Variants in RNF135 observed in about 807,000 individuals in gnomAD.
The protein encoded by RNF135 is E3 ubiquitin-protein ligase RNF135.
RNF135 carries 46 observed loss-of-function variants against 41.9 expected under a neutral mutation model. The ratio of observed to expected loss-of-function variants is 1.10; its 90% confidence interval spans 0.87 to 1.40. The LOEUF (loss-of-function observed/expected upper bound fraction) is 1.40. Ranked by LOEUF, RNF135 falls within the 40% of genes most tolerant of loss-of-function variation. RNF135 has a pLI of 0.00. For synonymous variants in RNF135, 238 were observed against 223.8 expected, an observed-to-expected ratio of 1.06 and a Z score of -0.57; for missense variants, 539 against 549.8, an observed-to-expected ratio of 0.98 and a Z score of 0.20.
chr17:30,983,292 A>T lies in RNF135; in HGVS notation c.373-1325A>T, dbSNP rs1372080086. On this transcript the variant is annotated intron_variant, in intron 1 of 4. Coordinates refer to ENST00000328381, the MANE Select transcript of RNF135 (RefSeq NM_032322.4). ...TATCCGGAAGTGGAATTGCTAAATCATATGGTAATTCTAATTACATATATG... is the reference window on the plus strand; with the variant it reads ...TATCCGGAAGTGGAATTGCTAAATCTTATGGTAATTCTAATTACATATATG... Among the ~76,000 whole-genome samples, 5 of 134,186 alleles carry T rather than the reference A, an allele frequency of 3.7e-5. No homozygotes were observed. In the South Asian group the frequency reaches 9.7e-4, roughly 26 times the overall value. The allele number at this position is 134,186 out of a possible 152,430, so 88.0% of individuals were successfully genotyped here.
intron 1 of RNF135, among the ~76,000 whole-genome samples, chr17:30,977,289 C>T (rs1906543373): frequency 6.6e-6 from 1 of 152,142 alleles, no homozygotes; most frequent in South Asian, 2.1e-4. Context: ...CTGTGTATAT[C>T]TTATACTATC....
rs527699238 is a variant in RNF135 at position 30,999,246 on chromosome 17, A to C, written c.*55A>C. The C allele has an allele frequency of 1.3e-4, 202 of 1,565,500 alleles. No homozygotes were observed. The African/African-American group carries it at 2.5e-3, about 19-fold the overall frequency. ...TTCCTGGTCTCTCTCCCTGTCATCA[A>C]TCAGGGTAGTAACTTGACTTAAGAA... On this transcript the variant is annotated 3_prime_UTR_variant, in exon 5 of 5. Coordinates refer to ENST00000328381, the MANE Select transcript of RNF135 (RefSeq NM_032322.4).
At chr17:30,972,880 A>C (rs1906114018) in intron 1 of RNF135, 1 of 152,282 alleles carries the variant, frequency 6.6e-6, no homozygotes, top group African/African-American at 2.4e-5. Context: ...GGTTCAAGTG[A>C]TTCTCCTGCC....
At chr17:30,961,111 C>T in the RNF135 span, among the ~76,000 whole-genome samples, 67 of 152,310 alleles carry the variant, frequency 4.4e-4, no homozygotes, top group African/African-American at 1.6e-3. Flanking sequence ...CTGCATGTGT[C>T]AATATGTCTT....
chr17:30,983,339 ATATATATATATATATTT>A (rs1327416297), intron 1 of RNF135, among the ~76,000 whole-genome samples: 12 of 27,536 alleles, frequency 4.4e-4, no homozygotes, highest in Admixed American at 2.8e-3. Context: ...ATATATATAT[ATATATATATATATATTT>A]TTTTTTTTTT....
chr17:30,995,252 G>A (rs370205236), intron 3 of RNF135, among the ~76,000 whole-genome samples: 11 of 152,132 alleles, frequency 7.2e-5, no homozygotes, highest in African/African-American at 2.2e-4. Context: ...GCTGGGTGTG[G>A]TGGTGGGCGC....
At chr17:30,975,643 A>C in intron 1 of RNF135, 1 of 1,170,010 alleles carries the variant, frequency 8.5e-7, no homozygotes, top group Non-Finnish European at 1.3e-6. Flanking sequence ...AAGAAACTCC[A>C]CAACCGCCAA....
intron 1 of RNF135, 37 bp from the exon 2 acceptor site, chr17:30,984,580 T>A: frequency 6.2e-7 from 1 of 1,613,382 alleles, no homozygotes; most frequent in Non-Finnish European, 8.5e-7. Context: ...GGGTCCAGTT[T>A]TATAGAACCC....
At chr17:30,981,779 A>G (rs1907168098) in intron 1 of RNF135, among the ~76,000 whole-genome samples, 1 of 152,266 alleles carries the variant, frequency 6.6e-6, no homozygotes, top group Admixed American at 6.5e-5. Flanking sequence ...CAAGCCCAGT[A>G]AAGCTGTGAC....
the RNF135 span, among the ~76,000 whole-genome samples, chr17:30,963,088 C>T: frequency 0.19 from 27,990 of 145,952 alleles, 9,071 homozygotes; most frequent in African/African-American, 0.69. Context: ...CATTTGATTC[C>T]CTAGCTTTTT....
chr17:30,971,589 G>C lies in RNF135; in HGVS notation c.372+144G>C. 2.2e-6 allele frequency: 3 copies of C among 1,358,092 alleles called. No individual in the cohort carries two copies. In the South Asian group the frequency reaches 5.3e-5, roughly 24 times the overall value. The allele number at this position is 1,358,092 out of a possible 1,614,324, so 84.1% of individuals were successfully genotyped here. A position where few individuals can be genotyped will look rare whatever the true frequency, so the allele number is the denominator to read the frequency against. ...TCTAAAAGTCGAGTTCCGCTCTTCGGAGGCACTTTGGAAAGTTCATAAAAG... is the reference window on the plus strand; with the variant it reads ...TCTAAAAGTCGAGTTCCGCTCTTCGCAGGCACTTTGGAAAGTTCATAAAAG... On this transcript the variant is annotated intron_variant, in intron 1 of 4. Coordinates refer to ENST00000328381, the MANE Select transcript of RNF135 (RefSeq NM_032322.4).
In RNF135 at chr17:30,975,704, C is replaced by T. The variant is rs1668899173; in HGVS notation, c.372+4259C>T. ...TGTCGGCCTGAGAAATGCAGACACA[C>T]TACCCAGATTGCCCAACACTGCTCA... On this transcript the variant is annotated intron_variant, in intron 1 of 4. Coordinates refer to ENST00000328381, the MANE Select transcript of RNF135 (RefSeq NM_032322.4). The T allele has an allele frequency of 2.1e-6, 3 of 1,421,910 alleles. No homozygotes were observed. The Admixed American group carries it at 5.1e-5, about 24-fold the overall frequency. The allele number at this position is 1,421,910 out of a possible 1,614,324, so 88.1% of individuals were successfully genotyped here. A position where few individuals can be genotyped will look rare whatever the true frequency, so the allele number is the denominator to read the frequency against.
the RNF135 span, among the ~76,000 whole-genome samples, chr17:30,964,629 A>C: frequency 4.0e-5 from 6 of 151,844 alleles, no homozygotes; most frequent in South Asian, 4.2e-4. Flanking sequence ...AAACATGTTA[A>C]TGGCAGTGTG....
intron 3 of RNF135, among the ~76,000 whole-genome samples, chr17:30,995,241 A>C (rs919226944): frequency 3.9e-5 from 6 of 152,140 alleles, no homozygotes; most frequent in Non-Finnish European, 8.8e-5. Context: ...CAAAAAAATT[A>C]GCTGGGTGTG....
chr17:30,985,278 A>G (rs1244054346), intron 2 of RNF135, among the ~76,000 whole-genome samples: 4 of 152,122 alleles, frequency 2.6e-5, no homozygotes, highest in African/African-American at 9.7e-5. Context: ...CATGGCTTTA[A>G]TGACCACCTC....
chr17:30,980,493 C>CA (rs1907026740), intron 1 of RNF135, among the ~76,000 whole-genome samples: 2 of 115,264 alleles, frequency 1.7e-5, no homozygotes, highest in Admixed American at 8.0e-5. Context: ...GCTGGCCGGG[C>CA]GGGGGGCTGA....
chr17:30,999,389 C>T lies in RNF135; in HGVS notation c.*198C>T, dbSNP rs1180752922. 6.5e-6 allele frequency: 4 copies of T among 611,074 alleles called. No homozygotes were observed. Among genetic ancestry groups the T allele is most frequent in the Non-Finnish European group, 1.2e-5 (4 of 344,948 alleles). The allele number at this position is 611,074 out of a possible 1,614,324, so 37.9% of individuals were successfully genotyped here. On this transcript the variant is annotated 3_prime_UTR_variant, in exon 5 of 5. Coordinates refer to ENST00000328381, the MANE Select transcript of RNF135 (RefSeq NM_032322.4). ...TCAGCCTCCCAAGGTGCTGGGATTA[C>T]AGGTGTGAGCCACCACACCTGGCCA...
intron 3 of RNF135, among the ~76,000 whole-genome samples, chr17:30,991,519 T>A (rs1024610138): frequency 6.6e-6 from 1 of 151,342 alleles, no homozygotes; most frequent in Non-Finnish European, 1.5e-5. Context: ...CAGGTTCAAG[T>A]GATTCTCCTG....
chr17:30,983,353 A>ATAT (rs1420453160), intron 1 of RNF135, among the ~76,000 whole-genome samples: 13 of 35,732 alleles, frequency 3.6e-4, no homozygotes, highest in African/African-American at 1.0e-3. Context: ...ATATATATAT[A>ATAT]TTTTTTTTTT....
Sources: allele counts gnomAD v4.1 joint callset (sites outside exome capture counted in the v4.1 genomes callset), GRCh38; gene constraint gnomAD v4.1.1; transcripts MANE v1.5; gene names NCBI Gene and HGNC (gene_info 2026-07-23, HGNC 2026-07-21).